Variants in SEMA5A observed in about 807,000 individuals in gnomAD.
SEMA5A encodes the protein semaphorin 5A, also known as semaphorin-5A.
Under a neutral mutation model 135.5 loss-of-function variants are expected in SEMA5A, and 55 were observed. The ratio of observed to expected loss-of-function variants is 0.41; its 90% CI spans 0.33 to 0.51. The LOEUF (loss-of-function observed/expected upper bound fraction) is 0.51, where lower values mean the gene tolerates loss of function less well. Among genes scored for constraint, SEMA5A ranks in the 20% least tolerant of loss-of-function variants. The pLI, the probability that SEMA5A is intolerant of heterozygous loss-of-function variation, is 0.37. For synonymous variants in SEMA5A, 580 were observed against 546.5 expected (o/e 1.06, Z -0.85); for missense variants, 1,290 against 1,419.9 (o/e 0.91, Z 1.47).
intron 7 of SEMA5A, among the ~76,000 whole-genome samples, 182 bp downstream of exon 7, chr5:9,226,687 A>G (rs1747327617): frequency 6.6e-6 from 1 of 152,202 alleles, no homozygotes; most frequent in Admixed American, 6.5e-5. Flanking sequence ...TTATTTATCT[A>G]ATTGATGGTC....
At chr5:9,301,197 G>T (rs1271883488) in intron 5 of SEMA5A, among the ~76,000 whole-genome samples, 2 of 152,150 alleles carry the variant, frequency 1.3e-5, no homozygotes, top group African/African-American at 4.8e-5. Flanking sequence ...GTAATGTTTA[G>T]TATTTTAAAC....
intron 22 of SEMA5A, among the ~76,000 whole-genome samples, chr5:9,043,590 G>A (rs1361073679): frequency 6.6e-6 from 1 of 152,180 alleles, no homozygotes; most frequent in Non-Finnish European, 1.5e-5. Flanking sequence ...AGCTTCAACT[G>A]AGCCAGGTAG....
intron 1 of SEMA5A, among the ~76,000 whole-genome samples, chr5:9,495,596 T>C (rs980831754): frequency 6.6e-6 from 1 of 152,158 alleles, no homozygotes; most frequent in African/African-American, 2.4e-5. Flanking sequence ...GTTTACATCA[T>C]TGAATAACCA....
At chr5:9,363,397 G>A (rs1260536208) in intron 3 of SEMA5A, 1 of 150,524 alleles carries the variant, frequency 6.6e-6, no homozygotes, top group Non-Finnish European at 1.5e-5. Flanking sequence ...AACAGTGAAT[G>A]GCTGCTACCC....
At chr5:9,450,443 A>G (rs1409184334) in intron 1 of SEMA5A, among the ~76,000 whole-genome samples, 1 of 152,196 alleles carries the variant, frequency 6.6e-6, no homozygotes, top group Non-Finnish European at 1.5e-5. Flanking sequence ...GTGTTCCTCT[A>G]TATAGCAATT....
intron 4 of SEMA5A, among the ~76,000 whole-genome samples, chr5:9,326,221 A>G (rs1374682216): frequency 6.6e-6 from 1 of 152,144 alleles, no homozygotes; most frequent in Non-Finnish European, 1.5e-5. Context: ...CATGATACGC[A>G]CATTTTCAAT....
intron 5 of SEMA5A, among the ~76,000 whole-genome samples, chr5:9,262,908 A>AT (rs1190906712): frequency 7.3e-6 from 1 of 136,138 alleles, no homozygotes; most frequent in South Asian, 2.3e-4. Flanking sequence ...AAAAAAAAAA[A>AT]TTAAAAAAAA....
Position 9,112,005 on chromosome 5 carries a change from T to C in SEMA5A, c.1926-3718A>G, listed in dbSNP as rs924605144. 4.6e-5 allele frequency among the ~76,000 whole-genome samples: 7 copies of C among 152,238 alleles called. No individual in the cohort carries two copies. The South Asian group carries it at 1.4e-3, about 31-fold the overall frequency. On this transcript the variant is annotated intron_variant, in intron 15 of 22. Coordinates refer to ENST00000382496, the MANE Select transcript of SEMA5A (RefSeq NM_003966.3). ...CACAATGGGCCAGCAGTTGGTCCCC[T>C]TTCTCTAGTCCCCAACACACTGCAG...
At chr5:9,488,364 C>T (rs192296140) in intron 1 of SEMA5A, among the ~76,000 whole-genome samples, 5 of 152,290 alleles carry the variant, frequency 3.3e-5, no homozygotes, top group African/African-American at 7.2e-5. Flanking sequence ...TTACATCTTG[C>T]GTGATGTTTA....
At chr5:9,220,894 G>A (rs1746910713) in intron 8 of SEMA5A, among the ~76,000 whole-genome samples, 1 of 152,142 alleles carries the variant, frequency 6.6e-6, no homozygotes, top group Non-Finnish European at 1.5e-5. Context: ...GGATGCAAAG[G>A]GCAGAGAAGA....
chr5:9,517,589 T>C (rs1736599146), intron 1 of SEMA5A: 1 of 152,218 alleles, frequency 6.6e-6, no homozygotes, highest in Non-Finnish European at 1.5e-5. Context: ...TTTCAAATAA[T>C]TGACTGAAAT....
At chr5:9,165,910 A>T (rs1252331857) in intron 11 of SEMA5A, among the ~76,000 whole-genome samples, 1 of 152,178 alleles carries the variant, frequency 6.6e-6, no homozygotes, top group Non-Finnish European at 1.5e-5. Flanking sequence ...AAATGAATTA[A>T]ATTGGTCTTG....
intron 2 of SEMA5A, among the ~76,000 whole-genome samples, chr5:9,385,026 T>C (rs1043353788): frequency 6.6e-6 from 1 of 152,196 alleles, no homozygotes; most frequent in African/African-American, 2.4e-5. Flanking sequence ...TTACGTGAGT[T>C]AATATGAAAC....
chr5:9,233,990 T>C (rs1314688914), intron 6 of SEMA5A, among the ~76,000 whole-genome samples: 2 of 152,214 alleles, frequency 1.3e-5, no homozygotes, highest in African/African-American at 4.8e-5. Context: ...TTTGCATTAT[T>C]CTTTTTATTT....
chr5:9,530,685 A>T (rs1737388683), intron 1 of SEMA5A, among the ~76,000 whole-genome samples: 1 of 152,142 alleles, frequency 6.6e-6, no homozygotes, highest in Admixed American at 6.5e-5. Flanking sequence ...TATTCTGACC[A>T]CTCAACTCAG....
At chr5:9,067,509 G>A (rs772269852) in intron 16 of SEMA5A, among the ~76,000 whole-genome samples, 5 of 152,092 alleles carry the variant, frequency 3.3e-5, no homozygotes, top group Admixed American at 6.6e-5. Flanking sequence ...CCTAGTGATG[G>A]CCACAGGATT....
chr5:9,088,040 C>A (rs1738800500), intron 16 of SEMA5A, among the ~76,000 whole-genome samples: 1 of 152,104 alleles, frequency 6.6e-6, no homozygotes, highest in African/African-American at 2.4e-5. Context: ...ATAATCCCAG[C>A]AAAAGTGCAA....
chr5:9,387,620 G>A (rs1187819889), intron 2 of SEMA5A, among the ~76,000 whole-genome samples: 5 of 152,204 alleles, frequency 3.3e-5, no homozygotes, highest in Non-Finnish European at 1.5e-5. Flanking sequence ...TTCAGGCCTA[G>A]AAGGAATGTA....
intron 1 of SEMA5A, among the ~76,000 whole-genome samples, chr5:9,508,405 G>T (rs1290129057): frequency 6.6e-6 from 1 of 152,108 alleles, no homozygotes; most frequent in Non-Finnish European, 1.5e-5. Flanking sequence ...CCACTGTAGT[G>T]GTCTCCTTGC....
Sources: gnomAD v4.1 joint callset for allele counts (sites outside exome capture counted in the v4.1 genomes callset) on GRCh38, gnomAD v4.1.1 for gene constraint, MANE v1.5 for transcripts, NCBI Gene and HGNC (gene_info 2026-07-23, HGNC 2026-07-21) for gene names.